The following GPHN variants were observed in gnomAD, a reference collection of about 807,000 sequenced individuals.
The protein encoded by GPHN is gephyrin.
A neutral mutation model predicts 95.5 loss-of-function variants in GPHN; 17 were observed. That is an observed-to-expected ratio of 0.18 (90% CI 0.12 to 0.27). GPHN has a LOEUF of 0.27. Among genes scored for constraint, GPHN ranks in the 10% least tolerant of loss-of-function variants. The pLI is 1.00. For synonymous variants in GPHN, 320 were observed against 322.5 expected (o/e 0.99, Z 0.08); for missense variants, 660 against 978.1 (o/e 0.67, Z 4.34).
At chr14:67,548,237 T>C in the GPHN span, among the ~76,000 whole-genome samples, 1 of 152,228 alleles carries the variant, frequency 6.6e-6, no homozygotes, top group Non-Finnish European at 1.5e-5. Context: ...GCTAAACCTG[T>C]TTCTCAGTTA....
chr14:66,775,252 C>T (rs2059339171), intron 2 of GPHN, among the ~76,000 whole-genome samples: 1 of 151,880 alleles, frequency 6.6e-6, no homozygotes, highest in Admixed American at 6.6e-5. Context: ...ACATAAGTCT[C>T]TTACGTATGA....
the GPHN span, among the ~76,000 whole-genome samples, chr14:67,276,312 G>A: frequency 6.6e-6 from 1 of 152,028 alleles, no homozygotes; most frequent in East Asian, 1.9e-4. Context: ...ATTCTATTCT[G>A]TTTTCTGAAA....
At chr14:67,000,974 C>T (rs1183493431) in intron 9 of GPHN, among the ~76,000 whole-genome samples, 1 of 151,466 alleles carries the variant, frequency 6.6e-6, no homozygotes, top group Non-Finnish European at 1.5e-5. Flanking sequence ...TTCTGCTTAT[C>T]CTTGTATATT....
chr14:66,609,095 ATTGTGTTTTTGTGGTATC>A (rs2062671327), intron 1 of GPHN, among the ~76,000 whole-genome samples: 1 of 152,104 alleles, frequency 6.6e-6, no homozygotes, highest in East Asian at 1.9e-4. Context: ...TATATGCTTA[ATTGTGTTTTTGTGGTATC>A]AGATACTGTT....
intron 11 of GPHN, among the ~76,000 whole-genome samples, chr14:67,059,868 C>T (rs1331649712): frequency 6.6e-6 from 1 of 151,908 alleles, no homozygotes; most frequent in Non-Finnish European, 1.5e-5. Context: ...TTTTACTCCT[C>T]AATAAAGGAA....
chr14:67,139,764 C>T (rs1038790501), intron 17 of GPHN, among the ~76,000 whole-genome samples: 7 of 152,122 alleles, frequency 4.6e-5, no homozygotes, highest in Non-Finnish European at 7.3e-5. Context: ...ATCAAATCTC[C>T]AGAAGCCAGA....
chr14:66,718,200 G>C (rs1213868673), intron 2 of GPHN, among the ~76,000 whole-genome samples: 1 of 152,150 alleles, frequency 6.6e-6, no homozygotes, highest in African/African-American at 2.4e-5. Context: ...GAGTGTTACA[G>C]TTCTTAAAGA....
At chr14:67,380,842 G>T in the GPHN span, 1 of 709,052 alleles carries the variant, frequency 1.4e-6, no homozygotes, top group Non-Finnish European at 2.2e-6. Context: ...ACTTACCAAA[G>T]AATATGTTGC....
chr14:67,158,781 T>C lies in GPHN; in HGVS notation c.1837-634T>C, dbSNP rs566067628. On this transcript the variant is annotated intron_variant, in intron 18 of 22. Coordinates refer to ENST00000478722, the MANE Select transcript of GPHN (RefSeq NM_020806.5). Reference sequence around the variant, plus strand: ...AGCCACAGGTTAGTTTTGTTTTTAATACTAGAATATAAAGTTGGAGTAGTT... The same window carrying C: ...AGCCACAGGTTAGTTTTGTTTTTAACACTAGAATATAAAGTTGGAGTAGTT... Among the ~76,000 whole-genome samples the C allele has an allele frequency of 3.3e-5, 5 of 152,338 alleles. No individual in the cohort carries two copies. The East Asian group carries it at 7.7e-4, about 23-fold the overall frequency.
intron 10 of GPHN, among the ~76,000 whole-genome samples, chr14:67,039,306 TC>T (rs2074582198): frequency 2.6e-5 from 4 of 152,196 alleles, no homozygotes; most frequent in Non-Finnish European, 4.4e-5. Flanking sequence ...TGTTTAAAGA[TC>T]CCCCCTGTAA....
At chr14:67,695,699 A>C in the GPHN span, 1 of 1,614,082 alleles carries the variant, frequency 6.2e-7, no homozygotes, top group Non-Finnish European at 8.5e-7. Flanking sequence ...CATGAGCTCA[A>C]CCATCTCTGC....
chr14:66,706,475 A>G (rs1396331668), intron 2 of GPHN, among the ~76,000 whole-genome samples: 2 of 152,286 alleles, frequency 1.3e-5, no homozygotes, highest in Admixed American at 6.5e-5. Flanking sequence ...ATATAGGCCA[A>G]TGGGATAGAA....
the GPHN span, among the ~76,000 whole-genome samples, chr14:67,293,745 C>T: frequency 6.6e-6 from 1 of 151,908 alleles, no homozygotes; most frequent in Non-Finnish European, 1.5e-5. Flanking sequence ...TATTTGAGAA[C>T]ACACAGGCAA....
chr14:67,018,532 A>G (rs1315929616), intron 9 of GPHN, among the ~76,000 whole-genome samples: 1 of 152,210 alleles, frequency 6.6e-6, no homozygotes, highest in African/African-American at 2.4e-5. Flanking sequence ...ACTTTGCTCC[A>G]TGCCTTAGAT....
the GPHN span, among the ~76,000 whole-genome samples, chr14:67,706,529 CG>C: frequency 1.3e-5 from 2 of 152,004 alleles, no homozygotes; most frequent in African/African-American, 4.8e-5. Context: ...AGGGACAGCT[CG>C]AAGCATGGAA....
chr14:66,861,620 CA>C (rs1400814449), intron 4 of GPHN, among the ~76,000 whole-genome samples: 1 of 151,804 alleles, frequency 6.6e-6, no homozygotes, highest in African/African-American at 2.4e-5. Context: ...TCAAAACATT[CA>C]AAAAAATTGA....
the GPHN span, among the ~76,000 whole-genome samples, chr14:67,217,440 A>G: frequency 6.6e-6 from 1 of 152,122 alleles, no homozygotes; most frequent in African/African-American, 2.4e-5. Context: ...AGACTTACTC[A>G]TGTCATTTTG....
chr14:66,965,477 T>A (rs1018354033), intron 9 of GPHN, 152 bp downstream of exon 9: 4 of 748,078 alleles, frequency 5.3e-6, no homozygotes, highest in Admixed American at 2.1e-5. Flanking sequence ...ACCCATTGTG[T>A]CACAAATTGT....
chr14:67,281,209 A>G, the GPHN span, among the ~76,000 whole-genome samples: 1 of 152,038 alleles, frequency 6.6e-6, no homozygotes, highest in Non-Finnish European at 1.5e-5. Context: ...AGTCTGGAGC[A>G]GTTTCTACTA....
Sources: gnomAD v4.1 joint callset for allele counts (sites outside exome capture counted in the v4.1 genomes callset) on GRCh38, gnomAD v4.1.1 for gene constraint, MANE v1.5 for transcripts, NCBI Gene and HGNC (gene_info 2026-07-23, HGNC 2026-07-21) for gene names.